Variants in DIP2C observed in about 807,000 individuals in gnomAD.
The protein encoded by DIP2C is disco-interacting protein 2 homolog C.
DIP2C carries 33 observed loss-of-function variants against 192.4 expected under a neutral mutation model. The ratio of observed to expected loss-of-function variants is 0.17; its 90% CI spans 0.13 to 0.23. The LOEUF (loss-of-function observed/expected upper bound fraction) is 0.23, where lower values mean the gene tolerates loss of function less well. DIP2C is among the 10% of genes least tolerant of loss of function. The pLI is 1.00. For missense variants in DIP2C, 1,537 were observed against 2,110.1 expected (o/e 0.73, Z 5.32); for synonymous variants, 979 against 864.1 (o/e 1.13, Z -2.33).
intron 1 of DIP2C, among the ~76,000 whole-genome samples, chr10:547,421 C>T (rs1848340943): frequency 6.6e-6 from 1 of 152,092 alleles, no homozygotes; most frequent in African/African-American, 2.4e-5. Context: ...CCAGCAAATA[C>T]TCAGGGCTCA....
At chr10:558,202 G>A (rs535146443) in intron 1 of DIP2C, among the ~76,000 whole-genome samples, 25 of 152,224 alleles carry the variant, frequency 1.6e-4, no homozygotes, top group African/African-American at 5.5e-4. Context: ...TCTGAGTACT[G>A]AGCATGCGTC....
At chr10:588,410 T>G (rs1295883525) in intron 1 of DIP2C, among the ~76,000 whole-genome samples, 5 of 152,210 alleles carry the variant, frequency 3.3e-5, no homozygotes, top group African/African-American at 4.8e-5. Flanking sequence ...ATTGGGAGAT[T>G]CCATCTCCGG....
intron 5 of DIP2C, among the ~76,000 whole-genome samples, chr10:421,236 G>A (rs765634742): frequency 1.1e-4 from 17 of 152,152 alleles, no homozygotes; most frequent in Non-Finnish European, 2.2e-4. Flanking sequence ...CATGAGTTAT[G>A]AGCCCCTCAT....
chr10:360,602 C>G (rs1050458369), intron 22 of DIP2C, among the ~76,000 whole-genome samples: 4 of 152,212 alleles, frequency 2.6e-5, no homozygotes, highest in Non-Finnish European at 5.9e-5. Flanking sequence ...TCCCAGGTGC[C>G]AGGCTCTGGC....
chr10:529,348 T>C (rs1419814899), intron 1 of DIP2C, among the ~76,000 whole-genome samples: 1 of 138,700 alleles, frequency 7.2e-6, no homozygotes, highest in Non-Finnish European at 1.5e-5. Context: ...AGGCAGCGGC[T>C]GTAATTAAGC....
intron 32 of DIP2C, among the ~76,000 whole-genome samples, chr10:297,836 G>A (rs1336568252): frequency 1.3e-5 from 2 of 152,092 alleles, no homozygotes; most frequent in East Asian, 1.9e-4. Flanking sequence ...AATGATGCAC[G>A]CTCCCGATCT....
At chr10:665,761 C>G (rs1312713714) in intron 1 of DIP2C, 1 of 152,066 alleles carries the variant, frequency 6.6e-6, no homozygotes, top group African/African-American at 2.4e-5. Context: ...GCCGCTTTCC[C>G]AAAACAAAAC....
At chr10:624,531 A>G (rs1016140609) in intron 1 of DIP2C, among the ~76,000 whole-genome samples, 3 of 152,200 alleles carry the variant, frequency 2.0e-5, no homozygotes, top group African/African-American at 7.2e-5. Context: ...GTACGAACAC[A>G]AAGTGGGGCC....
chr10:550,500 G>A (rs1848527005), intron 1 of DIP2C, among the ~76,000 whole-genome samples: 1 of 152,054 alleles, frequency 6.6e-6, no homozygotes. Flanking sequence ...TCTTTATATT[G>A]AAGCTACTGA....
At chr10:549,798 T>A (rs367790664) in intron 1 of DIP2C, among the ~76,000 whole-genome samples, 9 of 152,232 alleles carry the variant, frequency 5.9e-5, no homozygotes, top group African/African-American at 1.9e-4. Context: ...TAAGTATCTG[T>A]GAGTAACACT....
intron 10 of DIP2C, among the ~76,000 whole-genome samples, chr10:394,845 C>CG (rs567550102): frequency 7.2e-6 from 1 of 138,528 alleles, no homozygotes. Context: ...TGTGCTGAAC[C>CG]GAAGGACATT....
rs1846649373 is a variant in DIP2C at position 520,716 on chromosome 10, C to T, written c.86-34186G>A. On this transcript the variant is annotated intron_variant, in intron 1 of 36. Coordinates refer to ENST00000280886, the MANE Select transcript of DIP2C (RefSeq NM_014974.3). Reference sequence around the variant, plus strand: ...TTCTGCTGCTGTCAACCATCTGCTGCCAAAGTTTCACTTTAGGGCAAATAA... The same window carrying T: ...TTCTGCTGCTGTCAACCATCTGCTGTCAAAGTTTCACTTTAGGGCAAATAA... Among the ~76,000 whole-genome samples, 6 of 152,322 alleles carry T rather than the reference C, an allele frequency of 3.9e-5. No individual in the cohort carries two copies. In the South Asian group the frequency reaches 1.0e-3, roughly 26 times the overall value.
intron 31 of DIP2C, among the ~76,000 whole-genome samples, chr10:326,148 G>A (rs1047018396): frequency 2.6e-5 from 4 of 152,106 alleles, no homozygotes; most frequent in East Asian, 1.9e-4. Context: ...GAGCCATGAC[G>A]CCACTGCACT....
chr10:337,957 TGTGTGTGTGTGC>T lies in DIP2C; in HGVS notation c.3584+3230_3584+3241del, dbSNP rs1235200424. Among the ~76,000 whole-genome samples, 20 of 141,502 alleles carry T rather than the reference TGTGTGTGTGTGC, an allele frequency of 1.4e-4. No individual in the cohort carries two copies. The South Asian group carries it at 1.4e-3, about 10-fold the overall frequency. The allele number at this position is 141,502 out of a possible 152,430, so 92.8% of individuals were successfully genotyped here. On this transcript the variant is annotated intron_variant, in intron 29 of 36. Coordinates refer to ENST00000280886, the MANE Select transcript of DIP2C (RefSeq NM_014974.3). ...TGTGCTGTGGAGGCCTAGACAGTCG[TGTGTGTGTGTGC>T]GTGTGTGTGTGTTGTAGAGGCCTAG...
intron 32 of DIP2C, 23 bp downstream of exon 32, chr10:310,008 A>G: frequency 6.2e-7 from 1 of 1,610,640 alleles, no homozygotes; most frequent in Non-Finnish European, 8.5e-7. Context: ...GAAAAAAAGA[A>G]AAAACCCAGA....
At chr10:429,237 A>G (rs191742046) in intron 4 of DIP2C, among the ~76,000 whole-genome samples, 260 of 5,876 alleles carry the variant, frequency 0.044, 5 homozygotes, top group Middle Eastern at 0.12. Context: ...TCCCCCCCGG[A>G]CCCTGGCTGC....
In DIP2C at chr10:390,823, C is replaced by T; in HGVS notation, c.1301G>A (p.Cys434Tyr). The T allele has an allele frequency of 1.2e-6, 2 of 1,614,140 alleles. No homozygotes were observed. Among genetic ancestry groups the T allele is most frequent in the Non-Finnish European group, 8.5e-7 (1 of 1,180,020 alleles). Residue 434 changes from cysteine (C) to tyrosine (Y), a missense_variant, in exon 11 of 37, where the codon TGT becomes TAT. Cys to Tyr is a radical substitution (Grantham distance 194). Coordinates refer to ENST00000280886, the MANE Select transcript of DIP2C (RefSeq NM_014974.3). ...ACTAGTCAAGGCTACAGTAACTCCA[C>T]AGCTTCCAAGCAAGAAACCTATCTG... ...SQQIGFLLGS[C>Y]GVTVALTSDA...
At chr10:451,529 T>G (rs1344372295) in intron 3 of DIP2C, among the ~76,000 whole-genome samples, 1 of 152,256 alleles carries the variant, frequency 6.6e-6, no homozygotes, top group Non-Finnish European at 1.5e-5. Flanking sequence ...TCTTTTTACT[T>G]TCTCCTTATT....
intron 1 of DIP2C, among the ~76,000 whole-genome samples, chr10:563,712 A>G (rs2131480299): frequency 6.6e-6 from 1 of 152,374 alleles, no homozygotes; most frequent in South Asian, 2.1e-4. Context: ...TACAGCAGCC[A>G]AAGATGCGTC....
Sources: allele counts gnomAD v4.1 joint callset (sites outside exome capture counted in the v4.1 genomes callset), GRCh38; gene constraint gnomAD v4.1.1; transcripts MANE v1.5; gene names NCBI Gene and HGNC (gene_info 2026-07-23, HGNC 2026-07-21).